The following KLRG1 variants were observed in gnomAD, a reference collection of about 807,000 sequenced individuals.
The protein encoded by KLRG1 is killer cell lectin-like receptor subfamily G member 1.
A neutral mutation model predicts 21.8 loss-of-function variants in KLRG1; 16 were observed. That is an observed-to-expected ratio of 0.73 (90% confidence interval 0.50 to 1.11). KLRG1 has a LOEUF of 1.11. Ranked by LOEUF, KLRG1 falls within the 50% of genes most tolerant of loss-of-function variation. The pLI is 0.00. For synonymous variants in KLRG1, 69 were observed against 75.9 expected (o/e 0.91, Z 0.47); for missense variants, 173 against 218.3 (o/e 0.79, Z 1.31).
the KLRG1 span, among the ~76,000 whole-genome samples, chr12:9,083,159 A>G: frequency 1.3e-5 from 2 of 152,092 alleles, no homozygotes; most frequent in East Asian, 1.9e-4. Flanking sequence ...CAAACACCGC[A>G]TGTTCTCACT....
At chr12:8,980,887 C>G (rs992126643) in intron 1 of KLRG1, among the ~76,000 whole-genome samples, 1 of 152,166 alleles carries the variant, frequency 6.6e-6, no homozygotes, top group Non-Finnish European at 1.5e-5. Context: ...GGTTTTCCTG[C>G]TCTCCTTTTC....
At chr12:9,172,593 T>C in the KLRG1 span, among the ~76,000 whole-genome samples, 1 of 152,110 alleles carries the variant, frequency 6.6e-6, no homozygotes, top group Non-Finnish European at 1.5e-5. Context: ...AAGAGACTCA[T>C]CTCACACGCA....
At chr12:9,197,387 ATAT>A in the KLRG1 span, among the ~76,000 whole-genome samples, 724 of 142,180 alleles carry the variant, frequency 5.1e-3, 8 homozygotes, top group African/African-American at 0.017. Flanking sequence ...TTAATATATA[ATAT>A]TATAATTATT....
chr12:9,151,483 A>G, the KLRG1 span: 1 of 713,208 alleles, frequency 1.4e-6, no homozygotes, highest in African/African-American at 1.8e-5. Flanking sequence ...GGAATAGATA[A>G]ACCTTTCTGG....
At chr12:9,100,855 G>A in the KLRG1 span, among the ~76,000 whole-genome samples, 3 of 152,134 alleles carry the variant, frequency 2.0e-5, no homozygotes, top group African/African-American at 7.2e-5. Flanking sequence ...AAGTTATGAG[G>A]ATGCAAAGGC....
At chr12:9,083,630 G>A in the KLRG1 span, among the ~76,000 whole-genome samples, 5 of 151,358 alleles carry the variant, frequency 3.3e-5, no homozygotes, top group Admixed American at 3.3e-4. Flanking sequence ...AATGAAGAAA[G>A]CCTATGGAAA....
chr12:8,962,079 C>T (rs929657041), intron 1 of KLRG1, among the ~76,000 whole-genome samples: 10 of 151,960 alleles, frequency 6.6e-5, no homozygotes, highest in Non-Finnish European at 1.5e-4. Flanking sequence ...GAGTGAGACC[C>T]CGTCTCTTGC....
chr12:9,089,570 G>A, the KLRG1 span, among the ~76,000 whole-genome samples: 5 of 152,060 alleles, frequency 3.3e-5, no homozygotes, highest in Non-Finnish European at 7.4e-5. Context: ...GTGAAATCCT[G>A]TCTCTACTAA....
the KLRG1 span, chr12:9,163,825 T>C: frequency 6.3e-7 from 1 of 1,599,540 alleles, no homozygotes; most frequent in East Asian, 2.2e-5. Context: ...GAGTATCCAC[T>C]TTGATAGTCC....
the KLRG1 span, among the ~76,000 whole-genome samples, chr12:9,187,047 A>G: frequency 6.8e-6 from 1 of 147,828 alleles, no homozygotes; most frequent in Non-Finnish European, 1.5e-5. Flanking sequence ...TACTAATTTC[A>G]GACAAAACAG....
chr12:8,973,257 G>T (rs1453357450), intron 1 of KLRG1, among the ~76,000 whole-genome samples: 3 of 150,846 alleles, frequency 2.0e-5, no homozygotes, highest in Admixed American at 6.6e-5. Context: ...GCTGTGGTTT[G>T]TATGTGTCCC....
the KLRG1 span, chr12:9,068,293 TG>T: frequency 1.3e-6 from 2 of 1,518,888 alleles, no homozygotes; most frequent in South Asian, 2.4e-5. Flanking sequence ...CAAACATCTG[TG>T]GGATACAGGC....
chr12:9,161,174 G>A, the KLRG1 span: 14 of 1,371,990 alleles, frequency 1.0e-5, no homozygotes, highest in East Asian at 3.2e-4. Context: ...ATATAATTTA[G>A]TGATTATAAT....
the KLRG1 span, chr12:9,067,684 T>C: frequency 1.3e-6 from 1 of 768,552 alleles, no homozygotes; most frequent in South Asian, 1.5e-5. Context: ...ATGATATTTA[T>C]TGAATGAACA....
At chr12:9,061,379 C>T in the KLRG1 span, among the ~76,000 whole-genome samples, 1 of 152,118 alleles carries the variant, frequency 6.6e-6, no homozygotes, top group Non-Finnish European at 1.5e-5. Context: ...CCTACCTTGG[C>T]CTCCCAAAGT....
At chr12:9,096,699 G>A in the KLRG1 span, among the ~76,000 whole-genome samples, 1 of 152,212 alleles carries the variant, frequency 6.6e-6, no homozygotes, top group Non-Finnish European at 1.5e-5. Context: ...GAACAGATGA[G>A]CAAAGTGAGT....
the KLRG1 span, chr12:9,116,200 C>A: frequency 6.2e-6 from 2 of 324,828 alleles, no homozygotes; most frequent in Non-Finnish European, 1.2e-5. Flanking sequence ...CTCACAACGC[C>A]TTTTATGGTG....
chr12:9,192,489 G>T, the KLRG1 span: 5 of 1,591,682 alleles, frequency 3.1e-6, no homozygotes, highest in Non-Finnish European at 4.3e-6. Flanking sequence ...AGCTGCAATT[G>T]TATTCCATGG....
At chr12:9,061,022 CGA>C in the KLRG1 span, among the ~76,000 whole-genome samples, 1 of 151,840 alleles carries the variant, frequency 6.6e-6, no homozygotes, top group Non-Finnish European at 1.5e-5. Context: ...TTTTTTCATC[CGA>C]GAAGCTAGGA....
Sources: allele counts gnomAD v4.1 joint callset (sites outside exome capture counted in the v4.1 genomes callset), GRCh38; gene constraint gnomAD v4.1.1; transcripts MANE v1.5; gene names NCBI Gene and HGNC (gene_info 2026-07-23, HGNC 2026-07-21).